The following RBFOX1 variants were observed in gnomAD, a reference collection of about 807,000 sequenced individuals.
The protein encoded by RBFOX1 is RNA binding protein fox-1 homolog 1.
Under a neutral mutation model 57.7 loss-of-function variants are expected in RBFOX1, and 8 were observed. The ratio of observed to expected loss-of-function variants is 0.14; its 90% CI spans 0.08 to 0.25. RBFOX1 has a LOEUF of 0.25. RBFOX1 is among the 10% of genes least tolerant of loss of function. The pLI is 1.00. For synonymous variants in RBFOX1, 326 were observed against 222.4 expected, an observed-to-expected ratio of 1.47 and a Z score of -4.15; for missense variants, 611 against 548.5, an observed-to-expected ratio of 1.11 and a Z score of -1.14.
intron 4 of RBFOX1, among the ~76,000 whole-genome samples, chr16:7,207,461 C>T (rs2090223712): frequency 6.6e-6 from 1 of 152,110 alleles, no homozygotes; most frequent in Non-Finnish European, 1.5e-5. Context: ...TTATTAAAAC[C>T]ACATCCAGTG....
At chr16:6,672,879 T>A (rs1230731170) in intron 3 of RBFOX1, among the ~76,000 whole-genome samples, 1 of 152,026 alleles carries the variant, frequency 6.6e-6, no homozygotes, top group East Asian at 1.9e-4. Context: ...TTGCCCCCTT[T>A]CCCAAGAGAC....
chr16:6,884,309 A>C (rs1379464674), intron 3 of RBFOX1, among the ~76,000 whole-genome samples: 1 of 152,132 alleles, frequency 6.6e-6, no homozygotes, highest in Non-Finnish European at 1.5e-5. Context: ...TGCAGCTCTG[A>C]GCCTTGCTTA....
chr16:5,948,802 A>G (rs1305418848), intron 4 of RBFOX1, among the ~76,000 whole-genome samples: 1 of 152,194 alleles, frequency 6.6e-6, no homozygotes, highest in East Asian at 1.9e-4. Flanking sequence ...TAAGCTGCTT[A>G]GATTGTGTTA....
chr16:6,488,495 C>A (rs9926665), intron 2 of RBFOX1, among the ~76,000 whole-genome samples: 3 of 152,098 alleles, frequency 2.0e-5, no homozygotes, highest in South Asian at 4.1e-4. Flanking sequence ...TCTGTTCTTA[C>A]AACTCTGCAA....
intron 2 of RBFOX1, among the ~76,000 whole-genome samples, chr16:5,504,358 C>G (rs953174045): frequency 6.6e-6 from 1 of 152,242 alleles, no homozygotes; most frequent in East Asian, 1.9e-4. Context: ...GCAACGCTTG[C>G]CCAGCCTGGC....
intron 3 of RBFOX1, among the ~76,000 whole-genome samples, chr16:6,664,264 T>A (rs1163800995): frequency 6.6e-6 from 1 of 152,184 alleles, no homozygotes; most frequent in Non-Finnish European, 1.5e-5. Context: ...CCTATGCAAA[T>A]TCCCTAAAAC....
chr16:6,088,345 A>G (rs771650124), intron 1 of RBFOX1, among the ~76,000 whole-genome samples: 50 of 152,320 alleles, frequency 3.3e-4, no homozygotes, highest in Non-Finnish European at 6.6e-4. Context: ...TTATTGCCAG[A>G]GAAGTATGAT....
In RBFOX1 at chr16:5,726,441, C is replaced by T. The variant is rs544211581; in HGVS notation, c.318+127480C>T. On this transcript the variant is annotated intron_variant, in intron 3 of 19. Transcript: ENST00000641259. ...ACAACAACCCCTCCATTGCCAAGGT[C>T]GCCACCAGCAAGCCAGGACCTTCAC... Among the ~76,000 whole-genome samples the T allele has an allele frequency of 6.6e-5, 10 of 152,300 alleles. No individual in the cohort carries two copies. The East Asian group carries it at 1.2e-3, about 18-fold the overall frequency.
rs151014099 is a variant in RBFOX1, at chr16:5,509,402, A to T, written c.258+42148A>T. On this transcript the variant is annotated intron_variant, in intron 2 of 2. Transcript: ENST00000585867. The stretch of plus-strand genomic sequence containing the variant: ...ACCACCGACATCTCTTTCACCCATG[A>T]ACTGTAAATTTCCCAAGGACAGGGG... Among the ~76,000 whole-genome samples, 742 of 152,326 alleles carry T rather than the reference A, an allele frequency of 4.9e-3. 9 individuals are homozygous for T. The highest frequency in any genetic ancestry group is 0.017 in the African/African-American group (689 of 41,566).
At chr16:6,239,871 C>A (rs1357721321) in intron 1 of RBFOX1, among the ~76,000 whole-genome samples, 1 of 152,142 alleles carries the variant, frequency 6.6e-6, no homozygotes, top group Non-Finnish European at 1.5e-5. Context: ...AAAATAGGTA[C>A]GTGAGTGTCT....
At chr16:5,800,170 A>T (rs572057095) in intron 3 of RBFOX1, among the ~76,000 whole-genome samples, 1 of 152,294 alleles carries the variant, frequency 6.6e-6, no homozygotes, top group South Asian at 2.1e-4. Flanking sequence ...CAGAAAAAGT[A>T]GGAAATATGC....
intron 4 of RBFOX1, among the ~76,000 whole-genome samples, chr16:7,326,383 G>T (rs2096611969): frequency 2.0e-5 from 3 of 152,060 alleles, no homozygotes; most frequent in Non-Finnish European, 4.4e-5. Context: ...TGGAAGGATG[G>T]GATGTATATA....
chr16:6,363,248 A>G (rs997353367), intron 2 of RBFOX1, among the ~76,000 whole-genome samples: 1 of 152,320 alleles, frequency 6.6e-6, no homozygotes, highest in Admixed American at 6.5e-5. Flanking sequence ...TCCGTTGTGT[A>G]GTAAACTTAG....
At chr16:5,700,551 G>T (rs1278879568) in intron 3 of RBFOX1, among the ~76,000 whole-genome samples, 1 of 152,154 alleles carries the variant, frequency 6.6e-6, no homozygotes, top group African/African-American at 2.4e-5. Context: ...TGGTTATGCA[G>T]TTTCACTGTG....
chr16:7,207,244 C>G (rs542073913), intron 4 of RBFOX1, among the ~76,000 whole-genome samples: 4 of 152,106 alleles, frequency 2.6e-5, no homozygotes, highest in African/African-American at 9.7e-5. Context: ...ATTGGCCGGG[C>G]GTTATGGGGG....
At chr16:6,698,049 C>G (rs1450045155) in intron 3 of RBFOX1, among the ~76,000 whole-genome samples, 1 of 152,178 alleles carries the variant, frequency 6.6e-6, no homozygotes, top group East Asian at 1.9e-4. Context: ...TGTCTCTTGT[C>G]CCACTGCACA....
chr16:6,592,591 C>T (rs978968675), intron 2 of RBFOX1, among the ~76,000 whole-genome samples: 1 of 152,116 alleles, frequency 6.6e-6, no homozygotes, highest in Non-Finnish European at 1.5e-5. Flanking sequence ...CCATGTAATA[C>T]CTTTCTTTGC....
At chr16:5,414,060 G>A (rs2067094907) in intron 1 of RBFOX1, among the ~76,000 whole-genome samples, 3 of 152,158 alleles carry the variant, frequency 2.0e-5, no homozygotes, top group Admixed American at 6.5e-5. Context: ...CCAGAATGGT[G>A]GCCTCTTCTT....
At chr16:5,454,044 A>T (rs12924992) in intron 1 of RBFOX1, among the ~76,000 whole-genome samples, 60,229 of 151,746 alleles carry the variant, frequency 0.4, 12,535 homozygotes, top group East Asian at 0.57. Context: ...AAGGAGAGTC[A>T]TAGAAGATGA....
Sources: gnomAD v4.1 joint callset for allele counts (sites outside exome capture counted in the v4.1 genomes callset) on GRCh38, gnomAD v4.1.1 for gene constraint, MANE v1.5 for transcripts, NCBI Gene and HGNC (gene_info 2026-07-23, HGNC 2026-07-21) for gene names.